Variants in LINGO2 observed in about 807,000 individuals in gnomAD.
LINGO2 encodes the protein leucine-rich repeat and immunoglobulin-like domain-containing nogo receptor-interacting protein 2.
In LINGO2, 14 loss-of-function variants were observed where a neutral mutation model predicts 30.6. That is an observed-to-expected ratio of 0.46 (90% CI 0.30 to 0.72). The LOEUF is 0.72. Among genes scored for constraint, LINGO2 ranks in the 30% least tolerant of loss-of-function variants. The pLI is 0.07. For missense variants in LINGO2, 729 were observed against 751.7 expected (o/e 0.97, Z 0.35); for synonymous variants, 317 against 288.5 (o/e 1.10, Z -1.00).
At chr9:29,043,928 C>A in the LINGO2 span, among the ~76,000 whole-genome samples, 1 of 152,002 alleles carries the variant, frequency 6.6e-6, no homozygotes, top group African/African-American at 2.4e-5. Context: ...GTTCAAGAAA[C>A]CTGAGTTCTT....
At chr9:28,953,097 T>C in the LINGO2 span, among the ~76,000 whole-genome samples, 1 of 152,182 alleles carries the variant, frequency 6.6e-6, no homozygotes, top group Non-Finnish European at 1.5e-5. Context: ...AGGAATGTAC[T>C]CACTCTACAA....
Position 28,655,035 on chromosome 9 carries a change from T to C in LINGO2, c.-365+15165A>G, listed in dbSNP as rs540129367. 7.9e-5 allele frequency among the ~76,000 whole-genome samples: 12 copies of C among 152,222 alleles called. No homozygotes were observed. The East Asian group carries it at 2.3e-3, about 29-fold the overall frequency. Reference sequence around the variant, plus strand: ...AATAGGCTATTAAACTTTTTCCATATGGTGCTTAAGATAACTTGGTGAGTG... The same window carrying C: ...AATAGGCTATTAAACTTTTTCCATACGGTGCTTAAGATAACTTGGTGAGTG... On this transcript the variant is annotated intron_variant, in intron 1 of 5. Coordinates refer to ENST00000379992, the Ensembl canonical transcript of LINGO2.
chr9:28,399,706 A>G (rs1433832412), intron 2 of LINGO2, among the ~76,000 whole-genome samples: 1 of 152,118 alleles, frequency 6.6e-6, no homozygotes, highest in Non-Finnish European at 1.5e-5. Flanking sequence ...TCTGGTTGGA[A>G]CTGGCTTAGA....
At chr9:28,602,143 T>C (rs966603877) in intron 1 of LINGO2, among the ~76,000 whole-genome samples, 2 of 152,046 alleles carry the variant, frequency 1.3e-5, no homozygotes, top group African/African-American at 4.8e-5. Flanking sequence ...AGCCTAGGCT[T>C]ACCCTGATTG....
chr9:28,710,376 T>C, the LINGO2 span, among the ~76,000 whole-genome samples: 1 of 152,108 alleles, frequency 6.6e-6, no homozygotes, highest in East Asian at 1.9e-4. Context: ...TTATGGTATT[T>C]TGTTATAGCG....
the LINGO2 span, among the ~76,000 whole-genome samples, chr9:28,985,422 T>C: frequency 2.4e-4 from 37 of 152,194 alleles, 1 homozygote; most frequent in East Asian, 6.4e-3. Context: ...CCATTTTAGC[T>C]TTTTGAGAAT....
the LINGO2 span, chr9:28,888,754 T>C: frequency 1.8e-5 from 8 of 433,436 alleles, no homozygotes; most frequent in Non-Finnish European, 3.8e-5. Flanking sequence ...TATTTTGCAT[T>C]TTCAACATTA....
chr9:28,104,258 T>TTTTTA (rs1826506434), intron 4 of LINGO2, among the ~76,000 whole-genome samples: 1 of 132,012 alleles, frequency 7.6e-6, no homozygotes, highest in Admixed American at 8.6e-5. Flanking sequence ...AGTACAAGTT[T>TTTTTA]TTTGTTTGTT....
chr9:28,199,139 A>G (rs1280868086), intron 4 of LINGO2, among the ~76,000 whole-genome samples: 1 of 152,116 alleles, frequency 6.6e-6, no homozygotes, highest in East Asian at 1.9e-4. Flanking sequence ...GCAAACTTCA[A>G]CTTATTTATC....
the LINGO2 span, among the ~76,000 whole-genome samples, chr9:28,701,643 T>C: frequency 6.6e-6 from 1 of 151,984 alleles, no homozygotes; most frequent in East Asian, 1.9e-4. Flanking sequence ...CTTTTCCATA[T>C]ACATTTTAAA....
chr9:29,071,745 GT>G, the LINGO2 span, among the ~76,000 whole-genome samples: 4,593 of 151,902 alleles, frequency 0.03, 134 homozygotes, highest in South Asian at 0.14. Flanking sequence ...ACATCAGTCA[GT>G]GCTTTCCATA....
chr9:27,971,732 T>G (rs1820365377), intron 5 of LINGO2, among the ~76,000 whole-genome samples: 2 of 152,140 alleles, frequency 1.3e-5, no homozygotes, highest in Admixed American at 1.3e-4. Flanking sequence ...ATCAAAATCA[T>G]TAGCCCTTTA....
chr9:28,049,729 C>CTAT (rs1824586732), intron 4 of LINGO2, among the ~76,000 whole-genome samples: 2 of 150,488 alleles, frequency 1.3e-5, no homozygotes, highest in Non-Finnish European at 2.9e-5. Flanking sequence ...TCTAACAGGT[C>CTAT]TATTTCAAGG....
intron 1 of LINGO2, among the ~76,000 whole-genome samples, chr9:28,562,457 C>CA (rs56998877): frequency 0.32 from 35,113 of 109,066 alleles, 6,581 homozygotes; most frequent in Admixed American, 0.43. Context: ...CATTTACTTT[C>CA]AAAAAAAAAA....
At chr9:28,119,328 C>T (rs752661178) in intron 4 of LINGO2, among the ~76,000 whole-genome samples, 12 of 152,214 alleles carry the variant, frequency 7.9e-5, no homozygotes, top group African/African-American at 2.6e-4. Context: ...GGTTTCACCA[C>T]GTTCTCCAGA....
chr9:28,441,544 G>A (rs1342247107), intron 2 of LINGO2, among the ~76,000 whole-genome samples: 2 of 151,868 alleles, frequency 1.3e-5, no homozygotes, highest in Non-Finnish European at 2.9e-5. Context: ...TGATTTGGTG[G>A]CCAGGGTGGA....
the LINGO2 span, among the ~76,000 whole-genome samples, chr9:28,730,708 G>A: frequency 1.3e-5 from 2 of 152,048 alleles, no homozygotes; most frequent in African/African-American, 4.8e-5. Context: ...TATACATATG[G>A]CAATAAGAAT....
chr9:28,670,049 A>G (rs1462061854), intron 1 of LINGO2, among the ~76,000 whole-genome samples, 151 bp downstream of exon 3: 3 of 152,044 alleles, frequency 2.0e-5, no homozygotes, highest in African/African-American at 7.2e-5. Context: ...CTAACAAATT[A>G]GAGGAACTAA....
At chr9:29,155,940 C>A in the LINGO2 span, among the ~76,000 whole-genome samples, 102 of 152,040 alleles carry the variant, frequency 6.7e-4, no homozygotes, top group African/African-American at 2.3e-3. Context: ...GGAACCATGA[C>A]AGCATGAAAA....
Sources: allele counts gnomAD v4.1 joint callset (sites outside exome capture counted in the v4.1 genomes callset), GRCh38; gene constraint gnomAD v4.1.1; transcripts MANE v1.5; gene names NCBI Gene and HGNC (gene_info 2026-07-23, HGNC 2026-07-21).